The following RPGRIP1L variants were observed in gnomAD, a reference collection of about 807,000 sequenced individuals.
The protein encoded by RPGRIP1L is protein fantom.
RPGRIP1L carries 131 observed loss-of-function variants against 160.4 expected under a neutral mutation model. The ratio of observed to expected loss-of-function variants is 0.82; its 90% CI spans 0.71 to 0.94. The LOEUF is 0.94. Ranked by LOEUF, RPGRIP1L falls within the 40% of genes least tolerant of loss-of-function variation. The pLI, the probability that RPGRIP1L is intolerant of heterozygous loss-of-function variation, is 0.00. For synonymous variants in RPGRIP1L, 510 were observed against 515.8 expected (o/e 0.99, Z 0.15); for missense variants, 1,522 against 1,535.8 (o/e 0.99, Z 0.15).
intron 4 of RPGRIP1L, among the ~76,000 whole-genome samples, chr16:53,688,281 C>A (rs183012797): frequency 1.3e-5 from 2 of 152,072 alleles, no homozygotes; most frequent in Non-Finnish European, 2.9e-5. Flanking sequence ...GTCTTCTATT[C>A]AAGTTTTAAC....
At chr16:53,640,115 C>G (rs774181092) in intron 19 of RPGRIP1L, among the ~76,000 whole-genome samples, 1 of 151,890 alleles carries the variant, frequency 6.6e-6, no homozygotes, top group Non-Finnish European at 1.5e-5. Context: ...TTGTGGATGA[C>G]CTGGGTGTAG....
At chr16:53,630,519 G>A (rs892563030) in intron 22 of RPGRIP1L, among the ~76,000 whole-genome samples, 1 of 152,002 alleles carries the variant, frequency 6.6e-6, no homozygotes, top group Non-Finnish European at 1.5e-5. Flanking sequence ...ACACTTAAGG[G>A]TCCATCAAAA....
intron 22 of RPGRIP1L, among the ~76,000 whole-genome samples, chr16:53,629,808 T>C (rs544051436): frequency 1.7e-4 from 26 of 152,264 alleles, no homozygotes; most frequent in Non-Finnish European, 1.6e-4. Context: ...AACTGTGCCC[T>C]TGTGGAGTGA....
intron 16 of RPGRIP1L, among the ~76,000 whole-genome samples, chr16:53,646,234 T>TA (rs1966537334): frequency 6.6e-6 from 1 of 152,182 alleles, no homozygotes; most frequent in Non-Finnish European, 1.5e-5. Flanking sequence ...AGCATACATG[T>TA]AGCGATTGGT....
chr16:53,611,777 G>C (rs772903148), intron 24 of RPGRIP1L, among the ~76,000 whole-genome samples: 1 of 152,194 alleles, frequency 6.6e-6, no homozygotes, highest in Non-Finnish European at 1.5e-5. Flanking sequence ...TTCAATGTGC[G>C]AACAGTACAA....
intron 22 of RPGRIP1L, among the ~76,000 whole-genome samples, chr16:53,625,573 C>A (rs909341331): frequency 2.7e-5 from 4 of 150,912 alleles, no homozygotes; most frequent in African/African-American, 9.7e-5. Context: ...TGGGGGGGCC[C>A]CTCTGCCCAG....
chr16:53,651,261 G>A (rs1966850827), intron 15 of RPGRIP1L, among the ~76,000 whole-genome samples: 1 of 152,142 alleles, frequency 6.6e-6, no homozygotes, highest in Admixed American at 6.5e-5. Flanking sequence ...AAGTCTTGAA[G>A]GAGAAGTTAA....
chr16:53,645,695 G>C lies in RPGRIP1L; in HGVS notation c.2613C>G (p.Thr871=). The C allele has an allele frequency of 6.2e-7, 1 of 1,613,840 alleles. No homozygotes were observed. The highest frequency in any genetic ancestry group is 2.2e-5 in the East Asian group (1 of 44,868). Residue 871 remains threonine, a synonymous_variant, in exon 17 of 27, where the codon ACC becomes ACG. Coordinates refer to ENST00000647211, the MANE Select transcript of RPGRIP1L (RefSeq NM_015272.5). ...LSFYVFDDSD[T]QENIYIGKVN... is the part of the protein sequence containing the mutation. ...CTTTTCCTATGTAAATATTCTCCTG[G>C]GTATCACTATCATCAAAAACATAAA...
chr16:53,692,894 C>G (rs777213285), intron 3 of RPGRIP1L, among the ~76,000 whole-genome samples: 7 of 152,090 alleles, frequency 4.6e-5, no homozygotes, highest in Non-Finnish European at 1.0e-4. Flanking sequence ...TCAAAAGAAA[C>G]CAAAATGCAC....
intron 4 of RPGRIP1L, among the ~76,000 whole-genome samples, chr16:53,690,550 A>T (rs2151339423): frequency 6.6e-6 from 1 of 152,254 alleles, no homozygotes; most frequent in East Asian, 1.9e-4. Flanking sequence ...GGCTAGACTC[A>T]AACTCCTGGG....
chr16:53,649,799 C>T (rs1362002166), intron 15 of RPGRIP1L, among the ~76,000 whole-genome samples: 1 of 152,144 alleles, frequency 6.6e-6, no homozygotes, highest in African/African-American at 2.4e-5. Flanking sequence ...TGTTAGGGCA[C>T]TGACTTCTTT....
In RPGRIP1L at chr16:53,675,079, G is replaced by A. The variant is rs1284325064; in HGVS notation, c.820C>T (p.Gln274Ter). ...DNVEMIKLHK[Q>*]LVEKSNALSA... ...AGAGCATTGCTTTTCTCTACTAGCT[G>A]TTTATGAAGCTTAATCATTTCTACA... Residue 274 changes from glutamine (Q) to a stop codon, truncating the protein, a stop_gained, in exon 7 of 27, where the codon CAG becomes TAG. Coordinates refer to ENST00000647211, the MANE Select transcript of RPGRIP1L (RefSeq NM_015272.5). LOFTEE classifies it high-confidence loss of function. 7 of 1,611,566 alleles carry A rather than the reference G, an allele frequency of 4.3e-6. No homozygotes were observed. The highest frequency in any genetic ancestry group is 5.9e-6 in the Non-Finnish European group (7 of 1,178,794).
intron 22 of RPGRIP1L, among the ~76,000 whole-genome samples, chr16:53,630,853 C>T (rs1965473123): frequency 6.6e-6 from 1 of 152,106 alleles, no homozygotes; most frequent in African/African-American, 2.4e-5. Flanking sequence ...CTTGCCTCCC[C>T]TCCCGAGTAG....
intron 22 of RPGRIP1L, among the ~76,000 whole-genome samples, chr16:53,629,337 A>G (rs976746316): frequency 1.3e-5 from 2 of 152,200 alleles, no homozygotes; most frequent in African/African-American, 4.8e-5. Flanking sequence ...AGCATACCCC[A>G]GAATCACTTG....
chr16:53,689,403 G>A (rs1294023145), intron 4 of RPGRIP1L, among the ~76,000 whole-genome samples: 5 of 151,822 alleles, frequency 3.3e-5, no homozygotes, highest in East Asian at 1.9e-4. Context: ...CCTCCCCAGC[G>A]CCCCATACTC....
Position 53,658,806 on chromosome 16 carries a change from T to C in RPGRIP1L, c.1316A>G (p.Asp439Gly), listed in dbSNP as rs375983658. ...CAATTTTATGCGTTTTTTAAGTTCA[T>C]CAAGTTGTTGCTTTTGTTCCAGATA... Reference protein sequence around the residue: ...LQYLEQKQQLDELKKRIKLYN... With the variant: ...LQYLEQKQQLGELKKRIKLYN... The change falls in exon 11 of 27, where the codon GAT (aspartate) becomes GGT (glycine). Residue 439 changes from aspartate to glycine, a missense_variant. By Grantham distance (94) the Asp-to-Gly change is moderately conservative (BLOSUM62 -1). Coordinates refer to ENST00000647211, the MANE Select transcript of RPGRIP1L (RefSeq NM_015272.5). 1.2e-6 allele frequency: 2 copies of C among 1,608,392 alleles called. No individual in the cohort carries two copies. Among genetic ancestry groups the C allele is most frequent in the African/African-American group, 1.3e-5 (1 of 74,884 alleles).
intron 14 of RPGRIP1L, among the ~76,000 whole-genome samples, chr16:53,654,059 G>A (rs1967042533): frequency 6.6e-6 from 1 of 152,094 alleles, no homozygotes; most frequent in Admixed American, 6.6e-5. Flanking sequence ...TGCTTCCCAG[G>A]TTCAAACGAT....
chr16:53,657,708 CAAT>C (rs1314263818), intron 12 of RPGRIP1L, 76 bp from the exon 13 acceptor site: 4 of 804,846 alleles, frequency 5.0e-6, no homozygotes, highest in Non-Finnish European at 7.9e-6. Flanking sequence ...ATAGATGTAT[CAAT>C]AAATAATTCA....
rs1450344678 is a variant in RPGRIP1L at position 53,652,638 on chromosome 16, G to A, written c.2049C>T (p.His683=). ...TTTCATATTCTGTGCTATAAGCCTG[G>A]TGGACCTCAAGGGTGATAGTATTCT... is the stretch of plus-strand genomic sequence containing the variant. The part of the protein sequence containing the change: ...IQKNTITLEV[H]QAYSTEYETI... Residue 683 remains histidine, a synonymous_variant, in exon 15 of 27, where the codon CAC becomes CAT. Coordinates refer to ENST00000647211, the MANE Select transcript of RPGRIP1L (RefSeq NM_015272.5). The A allele has an allele frequency of 6.2e-7, 1 of 1,613,832 alleles. No homozygotes were observed. The highest frequency in any genetic ancestry group is 1.1e-5 in the South Asian group (1 of 91,068).
Sources: allele counts gnomAD v4.1 joint callset (sites outside exome capture counted in the v4.1 genomes callset), GRCh38; gene constraint gnomAD v4.1.1; transcripts MANE v1.5; gene names NCBI Gene and HGNC (gene_info 2026-07-23, HGNC 2026-07-21).